Variants in AP2A2 observed in about 807,000 individuals in gnomAD.
AP2A2 encodes the protein adaptor related protein complex 2 subunit alpha 2, also known as AP-2 complex subunit alpha-2.
In AP2A2, 32 loss-of-function variants were observed where a neutral mutation model predicts 104.2. That is an observed-to-expected ratio of 0.31 (90% confidence interval 0.23 to 0.41). The LOEUF is 0.41. Among genes scored for constraint, AP2A2 ranks in the 10% least tolerant of loss-of-function variants. AP2A2 has a pLI of 1.00. For missense variants in AP2A2, 912 were observed against 1,261.0 expected (o/e 0.72, Z 4.19); for synonymous variants, 539 against 533.3 (o/e 1.01, Z -0.15).
intron 1 of AP2A2, among the ~76,000 whole-genome samples, chr11:959,010 C>T (rs973095698): frequency 6.6e-6 from 1 of 152,226 alleles, no homozygotes; most frequent in Non-Finnish European, 1.5e-5. Context: ...AGTAGTAAAA[C>T]TGTGTGCTTT....
chr11:972,200 A>T lies in AP2A2; in HGVS notation c.418A>T (p.Ser140Cys). Reference protein sequence around the residue: ...LALHCIASVGSREMAEAFAGE... With the variant: ...LALHCIASVGCREMAEAFAGE... ...CCTGCACTGCATCGCCAGCGTGGGC[A>T]GCCGGGAGATGGCCGAGGCCTTCGC... is the stretch of plus-strand genomic sequence containing the variant. The change falls in exon 4 of 22, where the codon AGC becomes TGC. Residue 140 changes from serine to cysteine, a missense_variant. By Grantham distance (112) the Ser-to-Cys change is moderately radical (BLOSUM62 -1). This residue lies in a region of AP2A2 where 350 missense variants were observed against 487.0 expected (regional missense o/e 0.72). Transcript: ENST00000448903. 6.2e-7 allele frequency: 1 copy of T among 1,611,950 alleles called. No homozygotes were observed.
At chr11:998,932 T>C (rs979258239) in intron 14 of AP2A2, among the ~76,000 whole-genome samples, 3 of 152,146 alleles carry the variant, frequency 2.0e-5, no homozygotes, top group Non-Finnish European at 2.9e-5. Context: ...GACCTTGGGA[T>C]CTGCCCCCCT....
intron 2 of AP2A2, among the ~76,000 whole-genome samples, chr11:961,921 C>T (rs1282166744): frequency 2.7e-5 from 4 of 145,904 alleles, no homozygotes; most frequent in Admixed American, 6.9e-5. Flanking sequence ...CTGACAGAGT[C>T]GCCGCCACCA....
chr11:969,477 C>CG (rs1854744381), intron 2 of AP2A2, among the ~76,000 whole-genome samples: 2 of 152,044 alleles, frequency 1.3e-5, no homozygotes, highest in African/African-American at 4.8e-5. Flanking sequence ...CCACCTGCCT[C>CG]GGCCTCCCAA....
chr11:1,007,154 A>G (rs1021551404), intron 17 of AP2A2: 2 of 155,112 alleles, frequency 1.3e-5, no homozygotes, highest in African/African-American at 4.8e-5. Flanking sequence ...AGGCCCGCCA[A>G]ATAGAGTTAG....
At position 977,128 on chromosome 11, in the gene AP2A2, C is replaced by T. The variant is rs760394119; in HGVS notation, c.507C>T (p.Ala169=). The T allele has an allele frequency of 2.5e-6, 4 of 1,613,784 alleles. No individual in the cohort carries two copies. The highest frequency in any genetic ancestry group is 2.2e-5 in the East Asian group (1 of 44,874). ...DTMDSVKQSA[A]LCLLRLYRTS... The stretch of plus-strand genomic sequence containing the variant: ...TGGACAGCGTGAAGCAGAGCGCGGC[C>T]CTGTGCTTGCTGCGCCTGTACAGGA... Residue 169 remains alanine (A), a synonymous_variant, in exon 5 of 22, where the codon GCC becomes GCT. Transcript: ENST00000448903.
chr11:994,953 G>A (rs1236291606), intron 14 of AP2A2, among the ~76,000 whole-genome samples: 2 of 123,684 alleles, frequency 1.6e-5, no homozygotes, highest in Admixed American at 7.9e-5. Flanking sequence ...TGCACACCCC[G>A]CTGGCTTGTC....
chr11:933,602 G>A (rs963337640), intron 1 of AP2A2: 1 of 456,142 alleles, frequency 2.2e-6, no homozygotes, highest in Non-Finnish European at 4.4e-6. Flanking sequence ...TAGCATGTGA[G>A]TAGGAAGCAG....
intron 1 of AP2A2, 147 bp downstream of exon 1, chr11:926,235 G>T: frequency 2.9e-6 from 1 of 348,416 alleles, no homozygotes; most frequent in Non-Finnish European, 4.7e-6. Context: ...GGCGGCGCTC[G>T]GGGTCTTGGG....
chr11:999,620 T>C (rs11246375), intron 14 of AP2A2, among the ~76,000 whole-genome samples: 80,783 of 151,500 alleles, frequency 0.53, 21,875 homozygotes, highest in Admixed American at 0.65. Context: ...TGGGGCACCA[T>C]GCCCAGCCAA....
intron 1 of AP2A2, among the ~76,000 whole-genome samples, chr11:940,151 G>A (rs926590539): frequency 1.3e-4 from 19 of 151,252 alleles, no homozygotes; most frequent in African/African-American, 3.9e-4. Context: ...ACGGGGTTTC[G>A]CCATGTTGGC....
chr11:991,764 C>T (rs1171293651), intron 10 of AP2A2, among the ~76,000 whole-genome samples: 3 of 68,328 alleles, frequency 4.4e-5, no homozygotes, highest in African/African-American at 1.2e-4. Context: ...GGAGAGGGGG[C>T]GGCAGGGTGT....
intron 3 of AP2A2, among the ~76,000 whole-genome samples, chr11:971,099 A>G (rs948622603): frequency 1.3e-5 from 2 of 152,172 alleles, no homozygotes; most frequent in Non-Finnish European, 2.9e-5. Context: ...TTATTCAAGC[A>G]TTTGTGGAGT....
At position 968,648 on chromosome 11, in the gene AP2A2, C is replaced by T. The variant is rs1435122577; in HGVS notation, c.137-1521C>T. Among the ~76,000 whole-genome samples, 3 of 152,190 alleles carry T rather than the reference C, an allele frequency of 2.0e-5. No homozygotes were observed. Among genetic ancestry groups the T allele is most frequent in the Admixed American group, 6.5e-5 (1 of 15,304 alleles). ...GATGGAATCTGGGCTGGGTAGGAGA[C>T]ACGGTGCTGGGGCTTCCCAGTGGAG... On this transcript the variant is annotated intron_variant, in intron 2 of 21. Transcript: ENST00000448903. This position sits in a 1 kb window ranked among gnomAD's most constrained non-coding sequence, Gnocchi z 4.2.
intron 1 of AP2A2, among the ~76,000 whole-genome samples, chr11:951,910 A>G (rs1165501974): frequency 7.5e-6 from 1 of 132,652 alleles, no homozygotes; most frequent in African/African-American, 2.7e-5. Context: ...CTTGTTGCCT[A>G]GGCTGGAGTA....
chr11:985,347 T>G, intron 7 of AP2A2, 88 bp from the exon 8 acceptor site: 1 of 1,463,358 alleles, frequency 6.8e-7, no homozygotes, highest in Non-Finnish European at 9.2e-7. Flanking sequence ...TTAAAAATGC[T>G]CTCATGATGT....
Position 988,594 on chromosome 11 carries a change from C to G in AP2A2, c.1174C>G (p.Leu392Val). Reference sequence around the variant, plus strand: ...CGTGCGGCAGCGGGCCGTGGACCTCCTCTACGCCATGTGCGACCGCAGCAA... The same window carrying G: ...CGTGCGGCAGCGGGCCGTGGACCTCGTCTACGCCATGTGCGACCGCAGCAA... ...VSVRQRAVDLLYAMCDRSNAP... is the reference protein window; with the variant it reads ...VSVRQRAVDLVYAMCDRSNAP... The change falls in exon 10 of 22, where the codon CTC becomes GTC. Residue 392 changes from leucine to valine, a missense_variant. Around this residue, in one of 7 missense-constraint regions of AP2A2, gnomAD observed 350 missense variants for 487.0 expected, o/e 0.72. Coordinates refer to ENST00000448903, the MANE Select transcript of AP2A2 (RefSeq NM_012305.4). The G allele has an allele frequency of 6.2e-7, 1 of 1,613,288 alleles. No homozygotes were observed.
chr11:959,810 G>C (rs1272947915), intron 2 of AP2A2, among the ~76,000 whole-genome samples: 1 of 152,146 alleles, frequency 6.6e-6, no homozygotes, highest in Admixed American at 6.5e-5. Flanking sequence ...CACCAAGTAC[G>C]GGAAGTGCTC....
rs569434073 is a variant in AP2A2, at chr11:943,634, G to A, written c.68-15803G>A. On this transcript the variant is annotated intron_variant, in intron 1 of 21. Transcript: ENST00000448903. ...GAGGTGAGTGGAAGGTGAAAGCTGC[G>A]AAGAGTCCCAACTGGAGATGCAGGT... Among the ~76,000 whole-genome samples the A allele has an allele frequency of 2.0e-3, 304 of 152,336 alleles. 2 individuals carry two copies. The highest frequency in any genetic ancestry group is 4.1e-3 in the Non-Finnish European group (277 of 68,038).
Sources: gnomAD v4.1 joint callset for allele counts (sites outside exome capture counted in the v4.1 genomes callset) on GRCh38, gnomAD v4.1.1 for gene constraint, gnomAD v4.1.1 regional missense constraint, Gnocchi (gnomAD v3.1) non-coding constraint, MANE v1.5 for transcripts, NCBI Gene and HGNC (gene_info 2026-07-23, HGNC 2026-07-21) for gene names.